Variants in TMEM164 observed in about 807,000 individuals in gnomAD.
The protein encoded by TMEM164 is transmembrane protein 164, also known as RP13-360B22.2.
In TMEM164, 4 loss-of-function variants were observed where a neutral mutation model predicts 18.8. The ratio of observed to expected loss-of-function variants is 0.21; its 90% CI spans 0.10 to 0.49. The LOEUF is 0.49. Ranked by LOEUF, TMEM164 falls within the 20% of genes least tolerant of loss-of-function variation. The pLI is 0.98. For synonymous variants in TMEM164, 86 were observed against 101.7 expected, an observed-to-expected ratio of 0.85 and a Z score of 0.93; for missense variants, 108 against 239.9, an observed-to-expected ratio of 0.45 and a Z score of 3.63.
chrX:110,090,597 G>A (rs1039925967), intron 3 of TMEM164, among the ~76,000 whole-genome samples: 4 of 111,859 alleles, frequency 3.6e-5, no homozygotes, highest in African/African-American at 1.3e-4. Flanking sequence ...TTACAGGCGT[G>A]AGCCACTGCA....
At chrX:110,122,531 C>T (rs2066466831) in intron 4 of TMEM164, among the ~76,000 whole-genome samples, 1 of 107,596 alleles carries the variant, frequency 9.3e-6, no homozygotes, top group Non-Finnish European at 1.9e-5. Context: ...CATATGTAAC[C>T]TGCACATTGT....
intron 3 of TMEM164, among the ~76,000 whole-genome samples, chrX:110,094,134 G>A (rs1299407548): frequency 8.9e-6 from 1 of 112,194 alleles, no homozygotes; most frequent in African/African-American, 3.2e-5. Flanking sequence ...GAATAAGTGT[G>A]ATGTGGTGTT....
chrX:110,031,346 G>A (rs928958832), intron 2 of TMEM164, among the ~76,000 whole-genome samples: 2 of 111,786 alleles, frequency 1.8e-5, no homozygotes, highest in Admixed American at 1.9e-4. Context: ...AAGAGTTGAG[G>A]TCTCACTCTA....
intron 2 of TMEM164, among the ~76,000 whole-genome samples, chrX:110,021,529 G>A (rs1468421202): frequency 2.7e-5 from 3 of 111,973 alleles, no homozygotes; most frequent in African/African-American, 9.8e-5. Context: ...TTGTATGTGT[G>A]TGTGTGTGTC....
intron 3 of TMEM164, among the ~76,000 whole-genome samples, chrX:110,102,207 AT>A (rs1569329165): frequency 1.9e-5 from 2 of 107,829 alleles, no homozygotes; most frequent in Non-Finnish European, 3.8e-5. Context: ...AAAACTGGGC[AT>A]AGTGGCAGGC....
intron 2 of TMEM164, chrX:110,046,004 G>C: frequency 2.7e-6 from 2 of 745,318 alleles, no homozygotes; most frequent in East Asian, 1.5e-4. Context: ...ATGAGACTCT[G>C]TTTTCCCACA....
At position 110,177,635 on chromosome X, in the gene TMEM164, G is replaced by C. The variant is rs756033617; in HGVS notation, c.*4184G>C. On this transcript the variant is annotated 3_prime_UTR_variant, in exon 7 of 7. Transcript: ENST00000372068. ...GAAATGGTATCTGCAGTCGCCTTTG[G>C]AAATAAATGGTCATTAATTTGTGTA... 3 of 112,662 alleles carry C rather than the reference G, an allele frequency of 2.7e-5. No homozygotes were observed. The highest frequency in any genetic ancestry group is 9.3e-5 in the Admixed American group (1 of 10,707). 9.3% of individuals were successfully genotyped at this position (112,662 alleles called of 1,213,427 possible).
chrX:110,098,884 G>A (rs1254154399), intron 3 of TMEM164, among the ~76,000 whole-genome samples: 3 of 104,823 alleles, frequency 2.9e-5, no homozygotes, highest in Non-Finnish European at 5.8e-5. Context: ...CTGGGTTCAC[G>A]CCATTCTGCT....
chrX:110,021,377 T>C (rs1334350968), intron 2 of TMEM164, among the ~76,000 whole-genome samples: 2 of 110,558 alleles, frequency 1.8e-5, no homozygotes, highest in East Asian at 5.6e-4. Flanking sequence ...ATGGAGAGAT[T>C]ATGGCTGGAA....
chrX:110,167,119 A>G (rs2067168338), intron 5 of TMEM164, among the ~76,000 whole-genome samples: 1 of 112,180 alleles, frequency 8.9e-6, no homozygotes, highest in African/African-American at 3.2e-5. Flanking sequence ...CTAGTCTTTT[A>G]TAAGATTTTG....
intron 3 of TMEM164, among the ~76,000 whole-genome samples, chrX:110,096,768 T>C (rs2066027514): frequency 8.9e-6 from 1 of 111,819 alleles, no homozygotes; most frequent in African/African-American, 3.3e-5. Flanking sequence ...GCGTTACTCA[T>C]GCTGGGAGCT....
chrX:110,014,744 C>CTTTTTTTTTTTT (rs142705177), intron 2 of TMEM164, among the ~76,000 whole-genome samples: 12 of 54,202 alleles, frequency 2.2e-4, no homozygotes, highest in Non-Finnish European at 3.2e-4. Flanking sequence ...TTGGTTGTTT[C>CTTTTTTTTTTTT]TTTTTTTTTT....
At chrX:110,167,400 G>A (rs1442039887) in intron 5 of TMEM164, among the ~76,000 whole-genome samples, 2 of 112,068 alleles carry the variant, frequency 1.8e-5, no homozygotes, top group East Asian at 5.6e-4. Flanking sequence ...TCTGCCATTT[G>A]TGTACTGCCT....
chrX:110,176,094 C>T lies in TMEM164; in HGVS notation c.*2643C>T, dbSNP rs772662766. The T allele has an allele frequency of 2.0e-5, 15 of 756,861 alleles. No individual in the cohort carries two copies. The highest frequency in any genetic ancestry group is 2.3e-5 in the Non-Finnish European group (15 of 639,768). 62.4% of individuals were successfully genotyped at this position (756,861 alleles called of 1,213,427 possible). ...CAGCCAGGTTTCCGTGTGCCATTTGCCAGCGTGTGGGAGCTCTGCGCGTGT... is the reference window on the plus strand; with the variant it reads ...CAGCCAGGTTTCCGTGTGCCATTTGTCAGCGTGTGGGAGCTCTGCGCGTGT... On this transcript the variant is annotated 3_prime_UTR_variant, in exon 7 of 7. Transcript: ENST00000372068.
At position 110,175,017 on chromosome X, in the gene TMEM164, C is replaced by T. The variant is rs2067274750; in HGVS notation, c.*1566C>T. The stretch of plus-strand genomic sequence containing the variant: ...AGCAACCCTGGGAGGGACCGTCCTT[C>T]TGCAGAGGCCTGCGGGCATTGAGGC... On this transcript the variant is annotated 3_prime_UTR_variant, in exon 7 of 7. Coordinates refer to ENST00000372068, the MANE Select transcript of TMEM164 (RefSeq NM_032227.4). The T allele has an allele frequency of 8.9e-6, 1 of 112,237 alleles. No homozygotes were observed. The allele number at this position is 112,237 out of a possible 1,213,427, so 9.2% of individuals were successfully genotyped here.
rs147972788 is a variant in TMEM164, at chrX:110,096,580, G to C, written c.441-12500G>C. ...GGAGTGTCCCAATTTTCCATGTACT[G>C]TCTGTCACGGCTTCCCTTGGCTAGG... On this transcript the variant is annotated intron_variant, in intron 3 of 6. Transcript: ENST00000372068. Among the ~76,000 whole-genome samples the C allele has an allele frequency of 4.6e-3, 521 of 112,315 alleles. 7 individuals are homozygous for C. Among genetic ancestry groups the C allele is most frequent in the African/African-American group, 0.016 (493 of 30,974 alleles).
At chrX:110,120,323 A>C (rs1164728613) in intron 4 of TMEM164, among the ~76,000 whole-genome samples, 1 of 111,965 alleles carries the variant, frequency 8.9e-6, no homozygotes, top group African/African-American at 3.3e-5. Context: ...CACTACTTCA[A>C]GCAGTGTTTC....
At chrX:110,132,098 C>T (rs1300203574) in intron 4 of TMEM164, among the ~76,000 whole-genome samples, 1 of 111,460 alleles carries the variant, frequency 9.0e-6, no homozygotes, top group Admixed American at 9.5e-5. Flanking sequence ...GTTCAAATGC[C>T]GGCTGAGCCA....
chrX:110,030,108 GTTTTTTTTTTTTTT>G (rs34803907), intron 2 of TMEM164, among the ~76,000 whole-genome samples: 3 of 26,993 alleles, frequency 1.1e-4, no homozygotes, highest in Non-Finnish European at 1.9e-4. Context: ...TTCTCTGTCT[GTTTTTTTTTTTTTT>G]TTTTTTTTTT....
Sources: gnomAD v4.1 joint callset for allele counts (sites outside exome capture counted in the v4.1 genomes callset) on GRCh38, gnomAD v4.1.1 for gene constraint, MANE v1.5 for transcripts, NCBI Gene and HGNC (gene_info 2026-07-23, HGNC 2026-07-21) for gene names.